The following ARHGAP28 variants were observed in gnomAD, a reference collection of about 807,000 sequenced individuals.
ARHGAP28 encodes rho GTPase-activating protein 28.
A neutral mutation model predicts 90.7 loss-of-function variants in ARHGAP28; 56 were observed. The observed-to-expected ratio is 0.62, with a 90% confidence interval of 0.50 to 0.77. The LOEUF is 0.77. Ranked by LOEUF, ARHGAP28 falls within the 30% of genes least tolerant of loss-of-function variation. The pLI, the probability that ARHGAP28 is intolerant of heterozygous loss-of-function variation, is 0.00. For missense variants in ARHGAP28, 869 were observed against 900.9 expected (o/e 0.96, Z 0.45); for synonymous variants, 308 against 323.3 (o/e 0.95, Z 0.51).
At chr18:6,787,952 A>G (rs576746379) in intron 1 of ARHGAP28, among the ~76,000 whole-genome samples, 3 of 152,268 alleles carry the variant, frequency 2.0e-5, no homozygotes, top group South Asian at 2.1e-4. Flanking sequence ...TGTTCCATGT[A>G]TTCTGGCTCA....
chr18:6,816,334 A>G (rs1489462929), intron 1 of ARHGAP28, among the ~76,000 whole-genome samples: 2 of 152,222 alleles, frequency 1.3e-5, no homozygotes. Context: ...AAGCCAGAGC[A>G]TAAGAAACAA....
chr18:6,824,767 C>T lies in ARHGAP28; in HGVS notation c.128C>T (p.Ser43Phe). 2 of 1,533,806 alleles carry T rather than the reference C, an allele frequency of 1.3e-6. No homozygotes were observed. The highest frequency in any genetic ancestry group is 1.7e-6 in the Non-Finnish European group (2 of 1,146,230). ...AGATATTATTCTTTCCTCAGAAAAT[C>T]CATTCCTCGCTGCCGAAGAATTAAC... The part of the protein sequence containing the change: ...AAASHPLSRK[S>F]IPRCRRINRM... The change falls in exon 2 of 18, where the codon TCC (serine) becomes TTC (phenylalanine). Residue 43 changes from serine (S) to phenylalanine (F), a missense_variant. Coordinates refer to ENST00000383472, the MANE Select transcript of ARHGAP28 (RefSeq NM_001366230.1).
At chr18:6,736,362 A>T (rs2143139485) in intron 1 of ARHGAP28, among the ~76,000 whole-genome samples, 1 of 151,390 alleles carries the variant, frequency 6.6e-6, no homozygotes, top group East Asian at 1.9e-4. Flanking sequence ...ACCTGGTCTG[A>T]CTTTATGAAA....
intron 1 of ARHGAP28, among the ~76,000 whole-genome samples, chr18:6,765,407 T>C (rs1354149481): frequency 2.0e-5 from 3 of 152,176 alleles, no homozygotes; most frequent in Admixed American, 2.0e-4. Context: ...GCTGTTGAAT[T>C]TCTTGGCATG....
Position 6,802,242 on chromosome 18 carries a change from G to T in ARHGAP28, c.123-22520G>T, listed in dbSNP as rs181475374. 2.0e-5 allele frequency among the ~76,000 whole-genome samples: 3 copies of T among 151,068 alleles called. No homozygotes were observed. The East Asian group carries it at 5.9e-4, about 30-fold the overall frequency. ...TGAAAGTATTACAATAAACATGAGAGTGCAAATATCCCTTTGATATGTTGA... is the reference window on the plus strand; with the variant it reads ...TGAAAGTATTACAATAAACATGAGATTGCAAATATCCCTTTGATATGTTGA... On this transcript the variant is annotated intron_variant, in intron 1 of 17. Coordinates refer to ENST00000383472, the MANE Select transcript of ARHGAP28 (RefSeq NM_001366230.1).
chr18:6,754,343 GT>G (rs2056092667), intron 1 of ARHGAP28, among the ~76,000 whole-genome samples: 1 of 152,170 alleles, frequency 6.6e-6, no homozygotes, highest in Non-Finnish European at 1.5e-5. Flanking sequence ...GCCATTTAAT[GT>G]TGTTAAATCG....
At position 6,847,085 on chromosome 18, in the gene ARHGAP28, G is replaced by A. The variant is rs564047724; in HGVS notation, c.544-3949G>A. On this transcript the variant is annotated intron_variant, in intron 3 of 17. Transcript: ENST00000383472. ...TGGCTTTTGAGTGATTCCATAGGCT[G>A]GCAGGGAACTGAAATACTACTCAGA... Among the ~76,000 whole-genome samples, 4 of 152,206 alleles carry A rather than the reference G, an allele frequency of 2.6e-5. No individual in the cohort carries two copies. In the East Asian group the frequency reaches 5.8e-4, roughly 22 times the overall value.
At chr18:6,909,151 A>T (rs1219663037) in intron 17 of ARHGAP28, 127 bp downstream of exon 17, 4 of 604,154 alleles carry the variant, frequency 6.6e-6, no homozygotes, top group Non-Finnish European at 1.2e-5. Context: ...TAGGTTTCTG[A>T]TATTTTTATC....
At chr18:6,749,655 G>T (rs1208898267) in intron 1 of ARHGAP28, among the ~76,000 whole-genome samples, 1 of 152,070 alleles carries the variant, frequency 6.6e-6, no homozygotes, top group Non-Finnish European at 1.5e-5. Flanking sequence ...CACAGAGCGA[G>T]AGATAGCTTA....
intron 16 of ARHGAP28, among the ~76,000 whole-genome samples, chr18:6,901,961 G>C (rs1260493513): frequency 6.6e-6 from 1 of 152,148 alleles, no homozygotes; most frequent in Admixed American, 6.5e-5. Flanking sequence ...TCCATGGCTT[G>C]AGACACATCA....
chr18:6,837,261 A>C lies in ARHGAP28; in HGVS notation c.390A>C (p.Glu130Asp). Residue 130 changes from glutamate (E) to aspartate (D), a missense_variant, in exon 3 of 18, where the codon GAA becomes GAC. By Grantham distance (45) the Glu-to-Asp change is conservative. Transcript: ENST00000383472. ...TATCAACTCTGATCTCAGGTGATGAAGAGGAAGATGGCAAAGCCTTGCTCT... is the reference window on the plus strand; with the variant it reads ...TATCAACTCTGATCTCAGGTGATGACGAGGAAGATGGCAAAGCCTTGCTCT... ...VGLSTLISGDEEEDGKALLST... is the reference protein window; with the variant it reads ...VGLSTLISGDDEEDGKALLST... The C allele has an allele frequency of 3.1e-6, 5 of 1,601,892 alleles. No individual in the cohort carries two copies. Among genetic ancestry groups the C allele is most frequent in the Non-Finnish European group, 4.3e-6 (5 of 1,174,858 alleles).
Position 6,829,184 on chromosome 18 carries a change from A to C in ARHGAP28, c.325+4220A>C, listed in dbSNP as rs1025324045. On this transcript the variant is annotated intron_variant, in intron 2 of 17. Coordinates refer to ENST00000383472, the MANE Select transcript of ARHGAP28 (RefSeq NM_001366230.1). ...TTTGCCTTTTCAGATCCAGAAAGAC[A>C]GGAAGACACATAAAGGAAAATCCCT... Among the ~76,000 whole-genome samples, 4 of 152,356 alleles carry C rather than the reference A, an allele frequency of 2.6e-5. No homozygotes were observed. The East Asian group carries it at 7.7e-4, about 29-fold the overall frequency.
rs1395369749 is a variant in ARHGAP28, at chr18:6,837,218, G to A, written c.347G>A (p.Trp116Ter). Reference protein sequence around the residue: ...PVDEGELEAEWLQDVGLSTLI... With the variant: ...PVDEGELEAE ...ACAGAAGGAGAACTTGAAGCAGAAT[G>A]GCTGCAAGATGTGGGTTTATCAACT... Residue 116 changes from tryptophan to a stop codon, truncating the protein, a stop_gained, in exon 3 of 18, where the codon TGG becomes TAG. Coordinates refer to ENST00000383472, the MANE Select transcript of ARHGAP28 (RefSeq NM_001366230.1). LOFTEE classifies it high-confidence loss of function. 1 of 1,558,044 alleles carries A rather than the reference G, an allele frequency of 6.4e-7. No individual in the cohort carries two copies. The highest frequency in any genetic ancestry group is 8.7e-7 in the Non-Finnish European group (1 of 1,154,526).
intron 1 of ARHGAP28, among the ~76,000 whole-genome samples, chr18:6,750,897 G>A (rs77031031): frequency 5.3e-5 from 8 of 151,960 alleles, no homozygotes; most frequent in Non-Finnish European, 1.0e-4. Flanking sequence ...GTACCTTTTC[G>A]TGTTTTCTTC....
At chr18:6,816,787 T>A (rs569552953) in intron 1 of ARHGAP28, among the ~76,000 whole-genome samples, 1 of 152,184 alleles carries the variant, frequency 6.6e-6, no homozygotes, top group East Asian at 1.9e-4. Context: ...GCCCTTACAA[T>A]TGAGAATCAT....
chr18:6,763,964 A>G (rs913799924), intron 1 of ARHGAP28, among the ~76,000 whole-genome samples: 24 of 152,160 alleles, frequency 1.6e-4, no homozygotes, highest in Non-Finnish European at 1.3e-4. Context: ...GCTATATCCA[A>G]TCTTTATTTG....
intron 16 of ARHGAP28, among the ~76,000 whole-genome samples, chr18:6,902,979 C>A (rs1317900791): frequency 6.6e-6 from 1 of 151,978 alleles, no homozygotes; most frequent in Non-Finnish European, 1.5e-5. Context: ...TATGATTCAG[C>A]CATAAAAAGG....
rs2143706412 is a variant in ARHGAP28 at position 6,814,422 on chromosome 18, G to A, written c.123-10340G>A. 1.3e-5 allele frequency among the ~76,000 whole-genome samples: 2 copies of A among 152,242 alleles called. 1 individual carries two copies. The highest frequency in any genetic ancestry group is 4.1e-4 in the South Asian group (2 of 4,828). On this transcript the variant is annotated intron_variant, in intron 1 of 17. Transcript: ENST00000383472. ...TATTGAATTTTTGGAGCTGAAGCGA[G>A]AAAACAGACAAAGGAAACTGAAAAG...
chr18:6,767,247 T>C (rs1444639723), intron 1 of ARHGAP28, among the ~76,000 whole-genome samples: 1 of 152,192 alleles, frequency 6.6e-6, no homozygotes, highest in East Asian at 1.9e-4. Flanking sequence ...GCTTTCATTT[T>C]TTCTTCCTCT....
Sources: allele counts gnomAD v4.1 joint callset (sites outside exome capture counted in the v4.1 genomes callset), GRCh38; gene constraint gnomAD v4.1.1; transcripts MANE v1.5; gene names NCBI Gene and HGNC (gene_info 2026-07-23, HGNC 2026-07-21).